PPME1: variants seen among roughly 807,000 people sequenced by gnomAD.
The protein encoded by PPME1 is protein phosphatase methylesterase 1.
A neutral mutation model predicts 56.9 loss-of-function variants in PPME1; 17 were observed. The ratio of observed to expected loss-of-function variants is 0.30; its 90% CI spans 0.20 to 0.45. The LOEUF is 0.45. Among genes scored for constraint, PPME1 ranks in the 20% least tolerant of loss-of-function variants. The probability of loss-of-function intolerance (pLI) is 1.00; values close to 1 mark genes in which losing one functional copy is unlikely to be tolerated. For missense variants in PPME1, 357 were observed against 483.2 expected (o/e 0.74, Z 2.45); for synonymous variants, 122 against 156.2 (o/e 0.78, Z 1.63).
chr11:74,237,275 C>CT lies in PPME1; in HGVS notation c.710+1327dup, dbSNP rs763251745. On this transcript the variant is annotated intron_variant, in intron 8 of 13. Transcript: ENST00000328257. ...CAGGAAGTACATAATGTCTGGTTGT[C>CT]TTTTTTTTTTTTTTTTTTGAGACAG... Among the ~76,000 whole-genome samples the CT allele has an allele frequency of 6.5e-3, 832 of 128,004 alleles. 19 individuals carry two copies. The highest frequency in any genetic ancestry group is 9.1e-3 in the African/African-American group (279 of 30,786). The allele number at this position is 128,004 out of a possible 152,430, so 84.0% of individuals were successfully genotyped here. A position where few individuals can be genotyped will look rare whatever the true frequency, so the allele number is the denominator to read the frequency against.
At chr11:74,205,813 T>A (rs1431377350) in intron 3 of PPME1, 1 of 152,222 alleles carries the variant, frequency 6.6e-6, no homozygotes, top group Non-Finnish European at 1.5e-5. Flanking sequence ...TACCAGGCTC[T>A]GTCATGTCTC....
rs1284131681 is a variant in PPME1 at position 74,235,856 on chromosome 11, A to G, written c.645-45A>G. 8 of 1,577,570 alleles carry G rather than the reference A, an allele frequency of 5.1e-6. No individual in the cohort carries two copies. In the South Asian group the frequency reaches 5.8e-5, roughly 11 times the overall value. On this transcript the variant is annotated intron_variant, in intron 7 of 13. Transcript: ENST00000328257. ...TATTTGATTCCAATGATGTGATACAATAGATACTGAATAACCTTCTCTCTT... is the reference window on the plus strand; with the variant it reads ...TATTTGATTCCAATGATGTGATACAGTAGATACTGAATAACCTTCTCTCTT...
In PPME1 at chr11:74,171,502, C is replaced by T. The variant is rs1342690038; in HGVS notation, c.81C>T (p.Ser27=). Residue 27 remains serine (S), a synonymous_variant, in exon 1 of 14, where the codon AGC becomes AGT. Coordinates refer to ENST00000328257, the MANE Select transcript of PPME1 (RefSeq NM_016147.3). ...TACCCGGCAGCGGGGGCAGTCAGAGCGGAGCCAAGATGCGAATGGGGTACG... is the reference window on the plus strand; with the variant it reads ...TACCCGGCAGCGGGGGCAGTCAGAGTGGAGCCAAGATGCGAATGGGGTACG... The part of the protein sequence containing the change: ...PPLPGSGGSQ[S]GAKMRMGPGR... 3.7e-6 allele frequency: 6 copies of T among 1,613,000 alleles called. No individual in the cohort carries two copies. Among genetic ancestry groups the T allele is most frequent in the Middle Eastern group, 1.7e-4 (1 of 6,056 alleles).
At chr11:74,235,991 T>C (rs1485015361) in intron 8 of PPME1, 25 bp downstream of exon 8, 2 of 1,608,250 alleles carry the variant, frequency 1.2e-6, no homozygotes, top group Admixed American at 3.4e-5. Flanking sequence ...TCCCCCTTGG[T>C]CTGGTTAGAG....
intron 3 of PPME1, among the ~76,000 whole-genome samples, chr11:74,215,607 A>G (rs1858618067): frequency 6.6e-6 from 1 of 152,104 alleles, no homozygotes; most frequent in South Asian, 2.1e-4. Flanking sequence ...AGGAAAGAAG[A>G]GAAGACCACA....
intron 2 of PPME1, 54 bp downstream of exon 2, chr11:74,203,875 T>C: frequency 7.7e-7 from 1 of 1,302,310 alleles, no homozygotes; most frequent in Non-Finnish European, 1.1e-6. Context: ...TTGTCTAAGT[T>C]AAAAGACTTG....
At chr11:74,172,472 G>A (rs1209856820) in intron 1 of PPME1, among the ~76,000 whole-genome samples, 2 of 152,212 alleles carry the variant, frequency 1.3e-5, no homozygotes, top group Non-Finnish European at 1.5e-5. Context: ...TCTGAGGGAA[G>A]CGACGTACTG....
At chr11:74,236,585 C>T (rs1489133660) in intron 8 of PPME1, among the ~76,000 whole-genome samples, 2 of 152,150 alleles carry the variant, frequency 1.3e-5, no homozygotes, top group East Asian at 3.8e-4. Flanking sequence ...ATTTTATATG[C>T]ACTGTCTCAT....
At chr11:74,237,193 C>A (rs146892001) in intron 8 of PPME1, among the ~76,000 whole-genome samples, 1 of 151,510 alleles carries the variant, frequency 6.6e-6, no homozygotes, top group African/African-American at 2.4e-5. Flanking sequence ...GAAGCTTCAT[C>A]GGGTTCAGGT....
intron 1 of PPME1, among the ~76,000 whole-genome samples, chr11:74,190,072 A>G (rs1292749155): frequency 6.6e-6 from 1 of 152,272 alleles, no homozygotes; most frequent in African/African-American, 2.4e-5. Flanking sequence ...ATGTCAGTTT[A>G]TAAAATGAGA....
intron 1 of PPME1, among the ~76,000 whole-genome samples, chr11:74,177,202 T>G (rs1420969426): frequency 4.6e-5 from 7 of 152,164 alleles, no homozygotes; most frequent in Non-Finnish European, 1.0e-4. Context: ...GGTCCATGCC[T>G]GTAATCCCAG....
intron 3 of PPME1, chr11:74,205,610 T>A (rs1858307093): frequency 6.6e-6 from 1 of 152,204 alleles, no homozygotes; most frequent in Non-Finnish European, 1.5e-5. Flanking sequence ...TTAAATCTCA[T>A]CTTGTCTCTT....
At chr11:74,195,405 A>C (rs770413341) in intron 1 of PPME1, among the ~76,000 whole-genome samples, 25 of 152,060 alleles carry the variant, frequency 1.6e-4, no homozygotes, top group Admixed American at 3.3e-4. Context: ...TTCTGTGCTT[A>C]TTTCTTTCTC....
intron 1 of PPME1, among the ~76,000 whole-genome samples, chr11:74,185,453 G>A (rs1290728414): frequency 2.0e-5 from 3 of 152,064 alleles, no homozygotes; most frequent in South Asian, 2.1e-4. Context: ...TGCTGTTTTG[G>A]CAGAATAGTA....
In PPME1 at chr11:74,171,345, C is replaced by G. The variant is rs902288491; in HGVS notation, c.-77C>G. ...ACAGGGCGTCGTTAGGGGAGCGAGT[C>G]GTGACCGGTTGGGCCACACTCAACG... On this transcript the variant is annotated 5_prime_UTR_variant, in exon 1 of 14. Coordinates refer to ENST00000328257, the MANE Select transcript of PPME1 (RefSeq NM_016147.3). 1 of 1,529,414 alleles carries G rather than the reference C, an allele frequency of 6.5e-7. No homozygotes were observed. The allele number at this position is 1,529,414 out of a possible 1,614,324, so 94.7% of individuals were successfully genotyped here. A position where few individuals can be genotyped will look rare whatever the true frequency, so the allele number is the denominator to read the frequency against.
intron 3 of PPME1, among the ~76,000 whole-genome samples, chr11:74,206,444 GA>G: frequency 1.3e-5 from 2 of 152,252 alleles, no homozygotes; most frequent in Middle Eastern, 6.8e-3. Flanking sequence ...AACTTGTCTA[GA>G]GAAGAGCAAT....
chr11:74,239,129 C>A lies in PPME1; in HGVS notation c.711-4C>A. ...TGTAATAGCACTTTTTTAAAAAAAC[C>A]TAGGTGTGAAGGAATTACAAGTCCA... On this transcript the variant is annotated splice_polypyrimidine_tract_variant and splice_region_variant and intron_variant, in intron 8 of 13. Coordinates refer to ENST00000328257, the MANE Select transcript of PPME1 (RefSeq NM_016147.3). 4 of 1,606,500 alleles carry A rather than the reference C, an allele frequency of 2.5e-6. No homozygotes were observed. The highest frequency in any genetic ancestry group is 1.1e-5 in the South Asian group (1 of 90,126).
chr11:74,206,774 C>T (rs1273431217), intron 3 of PPME1, among the ~76,000 whole-genome samples: 1 of 152,068 alleles, frequency 6.6e-6, no homozygotes, highest in African/African-American at 2.4e-5. Flanking sequence ...ACTGTGTTCC[C>T]CAGGGTGGTG....
intron 1 of PPME1, among the ~76,000 whole-genome samples, chr11:74,199,174 A>G (rs558498433): frequency 1.2e-4 from 19 of 152,008 alleles, no homozygotes; most frequent in Non-Finnish European, 2.2e-4. Flanking sequence ...CTGTCCTTCA[A>G]TGCCTAGCTT....
Sources: allele counts gnomAD v4.1 joint callset (sites outside exome capture counted in the v4.1 genomes callset), GRCh38; gene constraint gnomAD v4.1.1; transcripts MANE v1.5; gene names NCBI Gene and HGNC (gene_info 2026-07-23, HGNC 2026-07-21).